EEFSEC: variants seen among roughly 807,000 people sequenced by gnomAD.
EEFSEC encodes the protein eukaryotic elongation factor, selenocysteine-tRNA specific.
EEFSEC carries 43 observed loss-of-function variants against 42.1 expected under a neutral mutation model. That is an observed-to-expected ratio of 1.02 (90% CI 0.80 to 1.32). The LOEUF is 1.32. Among genes scored for constraint, EEFSEC ranks in the 40% most tolerant of loss-of-function variants. The probability of loss-of-function intolerance (pLI) is 0.00; values close to 1 mark genes in which losing one functional copy is unlikely to be tolerated. For synonymous variants in EEFSEC, 354 were observed against 339.1 expected (o/e 1.04, Z -0.48); for missense variants, 745 against 803.6 (o/e 0.93, Z 0.88).
chr3:128,352,099 A>G (rs1377888511), intron 5 of EEFSEC, among the ~76,000 whole-genome samples: 2 of 152,210 alleles, frequency 1.3e-5, no homozygotes, highest in African/African-American at 2.4e-5. Context: ...TTTGGTGAAG[A>G]ACCCAACCAT....
chr3:128,395,248 G>A (rs971352313), intron 6 of EEFSEC, among the ~76,000 whole-genome samples: 10 of 152,238 alleles, frequency 6.6e-5, no homozygotes, highest in African/African-American at 2.2e-4. Flanking sequence ...AAGGCAGAAC[G>A]GGAGCCATGG....
chr3:128,173,291 C>T (rs1037473593), intron 1 of EEFSEC, among the ~76,000 whole-genome samples: 2 of 152,172 alleles, frequency 1.3e-5, no homozygotes, highest in South Asian at 2.1e-4. Flanking sequence ...GTTGTTCCTG[C>T]GTGTGGATTC....
chr3:128,222,658 C>A (rs996458866), intron 1 of EEFSEC, among the ~76,000 whole-genome samples: 3 of 152,180 alleles, frequency 2.0e-5, no homozygotes, highest in African/African-American at 7.2e-5. Context: ...CAATATTACG[C>A]ACTTTAACCA....
intron 1 of EEFSEC, among the ~76,000 whole-genome samples, chr3:128,192,217 T>G (rs1407203988): frequency 6.6e-6 from 1 of 152,122 alleles, no homozygotes; most frequent in African/African-American, 2.4e-5. Flanking sequence ...TCACTCCGGG[T>G]CTCAACCTAT....
At chr3:128,348,925 A>G (rs545046289) in intron 5 of EEFSEC, among the ~76,000 whole-genome samples, 9 of 152,236 alleles carry the variant, frequency 5.9e-5, no homozygotes, top group Non-Finnish European at 1.3e-4. Context: ...CATCAGAGGA[A>G]TATGCAGAGG....
At chr3:128,423,734 T>C in the EEFSEC span, among the ~76,000 whole-genome samples, 1 of 152,238 alleles carries the variant, frequency 6.6e-6, no homozygotes, top group African/African-American at 2.4e-5. Flanking sequence ...CAGGGTGTTC[T>C]AAACTTAGAT....
chr3:128,324,164 G>A (rs2067038870), intron 4 of EEFSEC, among the ~76,000 whole-genome samples: 1 of 152,224 alleles, frequency 6.6e-6, no homozygotes, highest in African/African-American at 2.4e-5. Context: ...GAATGCCGAA[G>A]GGCCAGCAGT....
intron 1 of EEFSEC, among the ~76,000 whole-genome samples, chr3:128,227,005 C>T (rs1371186473): frequency 1.3e-5 from 2 of 152,164 alleles, no homozygotes; most frequent in East Asian, 1.9e-4. Flanking sequence ...CCCCCTGCCC[C>T]GGCCCCTCTC....
At chr3:128,254,260 G>A (rs1453482010) in intron 2 of EEFSEC, among the ~76,000 whole-genome samples, 2 of 152,230 alleles carry the variant, frequency 1.3e-5, no homozygotes, top group Non-Finnish European at 2.9e-5. Flanking sequence ...AGAAGGGCAT[G>A]TGATGACTAA....
Position 128,246,936 on chromosome 3 carries a change from G to A in EEFSEC, c.417G>A (p.Gln139=). The part of the protein sequence containing the change: ...ECLVIGQIAC[Q]KLVVVLNKID... ...TTGTGATCGGCCAGATTGCCTGCCAGAAGCTGGTCGTGGTGCTGAACAAAA... is the reference window on the plus strand; with the variant it reads ...TTGTGATCGGCCAGATTGCCTGCCAAAAGCTGGTCGTGGTGCTGAACAAAA... Residue 139 remains glutamine (Q), a synonymous_variant, in exon 2 of 7, where the codon CAG becomes CAA. Transcript: ENST00000254730. 3 of 1,614,230 alleles carry A rather than the reference G, an allele frequency of 1.9e-6. No homozygotes were observed. The highest frequency in any genetic ancestry group is 1.7e-6 in the Non-Finnish European group (2 of 1,180,048).
intron 1 of EEFSEC, among the ~76,000 whole-genome samples, chr3:128,239,163 C>T (rs1431557259): frequency 6.6e-6 from 1 of 152,178 alleles, no homozygotes. Flanking sequence ...CAAGAAACCC[C>T]GTGAGGGGCC....
chr3:128,259,718 G>T (rs2066279011), intron 2 of EEFSEC, among the ~76,000 whole-genome samples: 1 of 152,156 alleles, frequency 6.6e-6, no homozygotes, highest in Non-Finnish European at 1.5e-5. Flanking sequence ...ACCTATTCTG[G>T]TATTTCATAT....
At chr3:128,228,207 TG>T (rs1354424705) in intron 1 of EEFSEC, among the ~76,000 whole-genome samples, 1 of 152,178 alleles carries the variant, frequency 6.6e-6, no homozygotes, top group East Asian at 1.9e-4. Flanking sequence ...CCCAGGTCCC[TG>T]TCCCAGTGGG....
the EEFSEC span, among the ~76,000 whole-genome samples, chr3:128,420,121 G>C: frequency 1.3e-5 from 2 of 152,166 alleles, no homozygotes; most frequent in Admixed American, 6.5e-5. Flanking sequence ...AAGAAGTAGA[G>C]GGGGAGAAAC....
At chr3:128,246,216 T>A (rs1194511805) in intron 1 of EEFSEC, among the ~76,000 whole-genome samples, 1 of 126,656 alleles carries the variant, frequency 7.9e-6, no homozygotes, top group African/African-American at 3.0e-5. Flanking sequence ...AGGATGATGC[T>A]CACAAGCGTG....
intron 6 of EEFSEC, among the ~76,000 whole-genome samples, chr3:128,388,464 G>C (rs2067868926): frequency 1.3e-5 from 2 of 152,228 alleles, no homozygotes; most frequent in Non-Finnish European, 2.9e-5. Flanking sequence ...GCTTGGCCAG[G>C]GTCCACGCTC....
rs576794690 is a variant in EEFSEC, at chr3:128,378,020, A to G, written c.1600+19647A>G. ...TAAAGAGATTCAGAAGAAGAAGATA[A>G]GTGGAGAAAAACGTGCAGTTCACAG... On this transcript the variant is annotated intron_variant, in intron 6 of 6. Coordinates refer to ENST00000254730, the MANE Select transcript of EEFSEC (RefSeq NM_021937.5). 5.3e-5 allele frequency among the ~76,000 whole-genome samples: 8 copies of G among 152,358 alleles called. No homozygotes were observed. The South Asian group carries it at 1.7e-3, about 32-fold the overall frequency.
chr3:128,156,820 A>G (rs1294655035), intron 1 of EEFSEC, among the ~76,000 whole-genome samples: 7 of 152,190 alleles, frequency 4.6e-5, no homozygotes, highest in Non-Finnish European at 8.8e-5. Context: ...AGGCCTCCCT[A>G]TTCCCTGAGA....
rs564215326 is a variant in EEFSEC, at chr3:128,403,769, A to G, written c.1601-4300A>G. 2.6e-5 allele frequency among the ~76,000 whole-genome samples: 4 copies of G among 152,224 alleles called. No individual in the cohort carries two copies. In the East Asian group the frequency reaches 7.7e-4, roughly 29 times the overall value. ...GCAATATCTATGGCTGGTCCCCGTC[A>G]TCTGGCCTTGGGTCCAGCATTCCTC... On this transcript the variant is annotated intron_variant, in intron 6 of 6. Transcript: ENST00000254730.
Sources: allele counts gnomAD v4.1 joint callset (sites outside exome capture counted in the v4.1 genomes callset), GRCh38; gene constraint gnomAD v4.1.1; transcripts MANE v1.5; gene names NCBI Gene and HGNC (gene_info 2026-07-23, HGNC 2026-07-21).